Variants in SLC6A13 observed in about 807,000 individuals in gnomAD.
SLC6A13 encodes the protein solute carrier family 6 member 13.
A neutral mutation model predicts 72.9 loss-of-function variants in SLC6A13; 69 were observed. The ratio of observed to expected loss-of-function variants is 0.95; its 90% confidence interval spans 0.78 to 1.16. The LOEUF (loss-of-function observed/expected upper bound fraction) is 1.16. Ranked by LOEUF, SLC6A13 falls within the 50% of genes most tolerant of loss-of-function variation. SLC6A13 has a pLI of 0.00. For missense variants in SLC6A13, 735 were observed against 760.5 expected (o/e 0.97, Z 0.39); for synonymous variants, 303 against 303.0 (o/e 1.00, Z 0.00).
In SLC6A13 at chr12:224,469, G is replaced by A; in HGVS notation, c.1105C>T (p.Leu369=). ...FIAYPRAVVM[L]PFSPLWACCF... is the part of the protein sequence containing the mutation. ...CAGGCCCAGAGAGGAGAGAAGGGCA[G>A]CATCACCACAGCCCGCGGGTAAGCG... Residue 369 remains leucine, a synonymous_variant, in exon 10 of 15, where the codon CTG becomes TTG. Transcript: ENST00000343164. 6.2e-7 allele frequency: 1 copy of A among 1,614,140 alleles called. No individual in the cohort carries two copies. Among genetic ancestry groups the A allele is most frequent in the African/African-American group, 1.3e-5 (1 of 75,062 alleles).
At position 235,109 on chromosome 12, in the gene SLC6A13, G is replaced by T. The variant is rs142344531; in HGVS notation, c.812C>A (p.Thr271Lys). The T allele has an allele frequency of 1.9e-6, 3 of 1,614,256 alleles. No individual in the cohort carries two copies. The highest frequency in any genetic ancestry group is 2.5e-6 in the Non-Finnish European group (3 of 1,180,044). ...GIQFYLYPNL[T>K]RLWDPQVWMD... ...TCTTACCTGGGGATCCCACAGACGC[G>T]TGAGGTTTGGGTACAGGTAAAACTG... The change falls in exon 7 of 15, where the codon ACG (threonine) becomes AAG (lysine). Residue 271 changes from threonine to lysine, a missense_variant. By Grantham distance (78) the Thr-to-Lys change is moderately conservative. Coordinates refer to ENST00000343164, the MANE Select transcript of SLC6A13 (RefSeq NM_016615.5).
rs1209332107 is a variant in SLC6A13, at chr12:254,251, T to C, written c.202+5600A>G. ...CTGGCCACTGGCACACTGTCACTGC[T>C]ACGCAGGACTCACATGGCCCCCTTC... On this transcript the variant is annotated intron_variant, in intron 2 of 14. Coordinates refer to ENST00000343164, the MANE Select transcript of SLC6A13 (RefSeq NM_016615.5). The surrounding 1 kb of genome is among the most constrained non-coding windows in gnomAD (Gnocchi z 4.4). Among the ~76,000 whole-genome samples the C allele has an allele frequency of 2.6e-5, 4 of 152,232 alleles. No individual in the cohort carries two copies. Among genetic ancestry groups the C allele is most frequent in the Admixed American group, 2.6e-4 (4 of 15,282 alleles).
chr12:243,650 G>A (rs1942248010), intron 3 of SLC6A13, 29 bp downstream of exon 3: 5 of 1,602,396 alleles, frequency 3.1e-6, no homozygotes, highest in South Asian at 1.1e-5. Flanking sequence ...GAATGAAGAC[G>A]CTTTGGAGTC....
chr12:243,988 C>A (rs772877455), intron 2 of SLC6A13, among the ~76,000 whole-genome samples, 175 bp from the exon 3 acceptor site: 2 of 112,506 alleles, frequency 1.8e-5, no homozygotes, highest in African/African-American at 6.8e-5. Context: ...CAAGAGTCAC[C>A]CCATTATCTA....
intron 7 of SLC6A13, 47 bp from the exon 8 acceptor site, chr12:227,715 C>T: frequency 6.7e-7 from 1 of 1,491,594 alleles, no homozygotes; most frequent in Non-Finnish European, 9.2e-7. Context: ...GAAAGCCAGG[C>T]CATTCAAGCC....
At position 221,030 on chromosome 12, in the gene SLC6A13, T is replaced by C; in HGVS notation, c.1727A>G (p.Gln576Arg). ...QLMCPAEDLP[Q>R]RNPAGPSAPA... ...AGCCGAGGGTCCTGCTGGGTTCCGC[T>C]GGGGCAGGTCCTCGGCTGGGCACAT... Residue 576 changes from glutamine to arginine, a missense_variant, in exon 15 of 15, where the codon CAG becomes CGG. Gln to Arg is a conservative substitution (Grantham distance 43). Coordinates refer to ENST00000343164, the MANE Select transcript of SLC6A13 (RefSeq NM_016615.5). The C allele has an allele frequency of 6.2e-7, 1 of 1,611,928 alleles. No individual in the cohort carries two copies.
intron 5 of SLC6A13, 108 bp from the exon 6 acceptor site, chr12:237,398 G>T (rs919704604): frequency 3.2e-5 from 40 of 1,236,936 alleles, no homozygotes; most frequent in East Asian, 3.0e-4. Context: ...TTGTCCAAAG[G>T]CTTCTCTGCT....
intron 2 of SLC6A13, chr12:258,898 T>C (rs1942833664): frequency 4.1e-6 from 4 of 983,962 alleles, no homozygotes; most frequent in South Asian, 4.7e-5. Context: ...GGCTGGGTAA[T>C]GGATGGCTTA....
At chr12:238,462 A>T in intron 4 of SLC6A13, 1 of 539,578 alleles carries the variant, frequency 1.9e-6, no homozygotes, top group Non-Finnish European at 3.2e-6. Context: ...GTAAGTTATA[A>T]CTCAGCTCTC....
intron 3 of SLC6A13, among the ~76,000 whole-genome samples, chr12:243,091 C>T (rs1026916224): frequency 2.0e-5 from 3 of 151,628 alleles, no homozygotes; most frequent in African/African-American, 7.3e-5. Flanking sequence ...CTCGCTGCAA[C>T]CTCTGCCTCC....
rs559651613 is a variant in SLC6A13 at position 221,287 on chromosome 12, C to T, written c.1686+89G>A. The T allele has an allele frequency of 6.1e-4, 858 of 1,395,308 alleles. 7 individuals are homozygous for T. The South Asian group carries it at 8.1e-3, about 13-fold the overall frequency. 86.4% of individuals were successfully genotyped at this position (1,395,308 alleles called of 1,614,324 possible). A position where few individuals can be genotyped will look rare whatever the true frequency, so the allele number is the denominator to read the frequency against. On this transcript the variant is annotated intron_variant, in intron 14 of 14. Transcript: ENST00000343164. ...TGGGCCCACTGGCACCTCCACACAA[C>T]GGTGTGCGCCCTGGCTGGCAGCCCA...
Position 237,907 on chromosome 12 carries a change from G to A in SLC6A13, c.563+19C>T, listed in dbSNP as rs1941998859. The A allele has an allele frequency of 6.3e-7, 1 of 1,581,014 alleles. No homozygotes were observed. Among genetic ancestry groups the A allele is most frequent in the South Asian group, 1.1e-5 (1 of 90,418 alleles). On this transcript the variant is annotated intron_variant, in intron 5 of 14. Coordinates refer to ENST00000343164, the MANE Select transcript of SLC6A13 (RefSeq NM_016615.5). ...TCTGAACACACGGCCCACAGTGGGT[G>A]GGGAAGGGTCTCACTTACTCCCAGA...
In SLC6A13 at chr12:237,921, C is replaced by T; in HGVS notation, c.563+5G>A. The T allele has an allele frequency of 6.2e-7, 1 of 1,610,994 alleles. No individual in the cohort carries two copies. Among genetic ancestry groups the T allele is most frequent in the Non-Finnish European group, 8.5e-7 (1 of 1,177,146 alleles). On this transcript the variant is annotated splice_donor_5th_base_variant and intron_variant, in intron 5 of 14. Coordinates refer to ENST00000343164, the MANE Select transcript of SLC6A13 (RefSeq NM_016615.5). The stretch of plus-strand genomic sequence containing the variant: ...CCACAGTGGGTGGGGAAGGGTCTCA[C>T]TTACTCCCAGAACTCGATGACAGGA...
In SLC6A13 at chr12:224,710, C is replaced by T. The variant is rs182543832; in HGVS notation, c.1061-197G>A. Among the ~76,000 whole-genome samples the T allele has an allele frequency of 5.9e-5, 9 of 152,354 alleles. No individual in the cohort carries two copies. In the East Asian group the frequency reaches 1.7e-3, roughly 29 times the overall value. Reference sequence around the variant, plus strand: ...TCTGGTTCTTGCATTTCCAAGGTACCTCTCACTGTATTCTTACTGGCAAGA... The same window carrying T: ...TCTGGTTCTTGCATTTCCAAGGTACTTCTCACTGTATTCTTACTGGCAAGA... On this transcript the variant is annotated intron_variant, in intron 9 of 14. Transcript: ENST00000343164.
intron 2 of SLC6A13, among the ~76,000 whole-genome samples, chr12:247,183 AC>A (rs1942386037): frequency 1.3e-5 from 2 of 152,030 alleles, no homozygotes; most frequent in Non-Finnish European, 2.9e-5. Flanking sequence ...TGAAAATTTT[AC>A]AAATTTTATG....
chr12:262,083 T>G (rs1320917761), intron 1 of SLC6A13, among the ~76,000 whole-genome samples: 1 of 152,170 alleles, frequency 6.6e-6, no homozygotes, highest in Non-Finnish European at 1.5e-5. Flanking sequence ...GTACTGACTG[T>G]GCTGGCCTCC....
chr12:245,527 A>T (rs943368479), intron 2 of SLC6A13, among the ~76,000 whole-genome samples: 2 of 152,160 alleles, frequency 1.3e-5, no homozygotes, highest in African/African-American at 4.8e-5. Context: ...TAAAAATACA[A>T]AAATTAGCCT....
Position 221,041 on chromosome 12 carries a change from C to T in SLC6A13, c.1716G>A (p.Glu572=), listed in dbSNP as rs1941181651. 1 of 1,610,400 alleles carries T rather than the reference C, an allele frequency of 6.2e-7. No individual in the cohort carries two copies. Among genetic ancestry groups the T allele is most frequent in the African/African-American group, 1.3e-5 (1 of 74,978 alleles). The change falls in exon 15 of 15, where the codon GAG becomes GAA. Residue 572 remains glutamate, a synonymous_variant. Transcript: ENST00000343164. ...ERIRQLMCPA[E]DLPQRNPAGP... Reference sequence around the variant, plus strand: ...CTGCTGGGTTCCGCTGGGGCAGGTCCTCGGCTGGGCACATGAGCTGACGGA... The same window carrying T: ...CTGCTGGGTTCCGCTGGGGCAGGTCTTCGGCTGGGCACATGAGCTGACGGA...
In SLC6A13 at chr12:232,177, T is replaced by A. The variant is rs570078889; in HGVS notation, c.831+2913A>T. ...TAGCTGATCAGGACAAAGCCATGAA[T>A]CTGTTGTGGAAACACTAAGACCCTC... On this transcript the variant is annotated intron_variant, in intron 7 of 14. Coordinates refer to ENST00000343164, the MANE Select transcript of SLC6A13 (RefSeq NM_016615.5). Among the ~76,000 whole-genome samples, 3 of 152,312 alleles carry A rather than the reference T, an allele frequency of 2.0e-5. No homozygotes were observed. The East Asian group carries it at 5.8e-4, about 29-fold the overall frequency.
Sources: allele counts gnomAD v4.1 joint callset (sites outside exome capture counted in the v4.1 genomes callset), GRCh38; gene constraint gnomAD v4.1.1; non-coding constraint Gnocchi (gnomAD v3.1); transcripts MANE v1.5; gene names NCBI Gene and HGNC (gene_info 2026-07-23, HGNC 2026-07-21).